The following WNT3A variants were observed in gnomAD, a reference collection of about 807,000 sequenced individuals.
The protein encoded by WNT3A is protein Wnt-3a.
In WNT3A, 17 loss-of-function variants were observed where a neutral mutation model predicts 37.0. That is an observed-to-expected ratio of 0.46 (90% confidence interval 0.31 to 0.69). The LOEUF is 0.69. WNT3A is among the 30% of genes least tolerant of loss of function. The pLI is 0.05. For missense variants in WNT3A, 411 were observed against 510.2 expected (o/e 0.81, Z 1.87); for synonymous variants, 187 against 211.0 (o/e 0.89, Z 0.99).
At chr1:228,057,986 G>A (rs745603038) in intron 3 of WNT3A, among the ~76,000 whole-genome samples, 4 of 152,076 alleles carry the variant, frequency 2.6e-5, no homozygotes, top group Non-Finnish European at 4.4e-5. Context: ...ACAGGTTCCC[G>A]CCACCACGCC....
intron 3 of WNT3A, among the ~76,000 whole-genome samples, chr1:228,053,578 C>A (rs888279604): frequency 6.6e-6 from 1 of 152,104 alleles, no homozygotes; most frequent in Admixed American, 6.5e-5. Flanking sequence ...TCCACACTCA[C>A]ATATGCAGCA....
At chr1:228,055,180 ATATATATATATAT>A (rs1378534068) in intron 3 of WNT3A, among the ~76,000 whole-genome samples, 3 of 14,794 alleles carry the variant, frequency 2.0e-4, no homozygotes, top group Admixed American at 1.0e-3. Context: ...AAAAAAAAAA[ATATATATATATAT>A]ATATATATAT....
At chr1:228,029,207 G>T (rs905093831) in intron 2 of WNT3A, among the ~76,000 whole-genome samples, 1 of 152,178 alleles carries the variant, frequency 6.6e-6, no homozygotes, top group Non-Finnish European at 1.5e-5. Flanking sequence ...AACAATGTCG[G>T]TACTAACCGT....
intron 1 of WNT3A, among the ~76,000 whole-genome samples, chr1:228,019,954 G>A (rs760172595): frequency 7.2e-5 from 11 of 152,212 alleles, no homozygotes; most frequent in African/African-American, 1.4e-4. Flanking sequence ...GCCTGGGCAC[G>A]GTGGCTCATG....
At chr1:228,024,663 T>C (rs1311097202) in intron 2 of WNT3A, among the ~76,000 whole-genome samples, 1 of 152,198 alleles carries the variant, frequency 6.6e-6, no homozygotes, top group Non-Finnish European at 1.5e-5. Flanking sequence ...AATTTTTTAA[T>C]TTTGGTGAAA....
At chr1:228,027,299 G>C (rs1293037025) in intron 2 of WNT3A, among the ~76,000 whole-genome samples, 1 of 152,182 alleles carries the variant, frequency 6.6e-6, no homozygotes, top group East Asian at 1.9e-4. Flanking sequence ...CCCAGTAGTG[G>C]GATTGCTAGA....
At chr1:228,009,666 AC>A (rs1201411596) in intron 1 of WNT3A, among the ~76,000 whole-genome samples, 1 of 151,924 alleles carries the variant, frequency 6.6e-6, no homozygotes, top group Non-Finnish European at 1.5e-5. Context: ...CTCCACCATC[AC>A]CGGCACATGA....
chr1:228,059,627 A>C lies in WNT3A; in HGVS notation c.*162A>C. 7.3e-7 allele frequency: 1 copy of C among 1,377,362 alleles called. No individual in the cohort carries two copies. The highest frequency in any genetic ancestry group is 2.9e-5 in the East Asian group (1 of 34,784). The allele number at this position is 1,377,362 out of a possible 1,614,324, so 85.3% of individuals were successfully genotyped here. On this transcript the variant is annotated 3_prime_UTR_variant, in exon 4 of 4. Transcript: ENST00000284523. Reference sequence around the variant, plus strand: ...TACCTGGGGGCAGAACTCCTACCTGAAGGCAGGGCTCCTCCCTGGAGCTAG... The same window carrying C: ...TACCTGGGGGCAGAACTCCTACCTGCAGGCAGGGCTCCTCCCTGGAGCTAG...
intron 2 of WNT3A, among the ~76,000 whole-genome samples, chr1:228,027,997 G>T (rs1490767963): frequency 6.6e-6 from 1 of 152,142 alleles, no homozygotes; most frequent in Non-Finnish European, 1.5e-5. Context: ...CATGTGGTTT[G>T]CCAGTTTCCC....
chr1:228,026,819 C>T (rs2030863464), intron 2 of WNT3A, among the ~76,000 whole-genome samples: 1 of 152,168 alleles, frequency 6.6e-6, no homozygotes, highest in South Asian at 2.1e-4. Flanking sequence ...GAGTAGTATT[C>T]CATGGTGTAT....
chr1:228,009,228 T>G (rs1391122208), intron 1 of WNT3A, among the ~76,000 whole-genome samples: 1 of 152,060 alleles, frequency 6.6e-6, no homozygotes, highest in East Asian at 1.9e-4. Context: ...TGCCCCCTTC[T>G]TGATCCCCTC....
Position 228,060,503 on chromosome 1 carries a change from C to G in WNT3A, c.*1038C>G, listed in dbSNP as rs1237844305. The G allele has an allele frequency of 8.6e-6, 3 of 349,738 alleles. No homozygotes were observed. The highest frequency in any genetic ancestry group is 1.1e-5 in the Non-Finnish European group (2 of 182,060). 21.7% of individuals were successfully genotyped at this position (349,738 alleles called of 1,614,324 possible). Reference sequence around the variant, plus strand: ...CCCCAACCCCAAGACCAAGCTTAGTCCTGGGAGAGGACAGGGACTTCGCAG... The same window carrying G: ...CCCCAACCCCAAGACCAAGCTTAGTGCTGGGAGAGGACAGGGACTTCGCAG... On this transcript the variant is annotated 3_prime_UTR_variant, in exon 4 of 4. Transcript: ENST00000284523.
intron 3 of WNT3A, among the ~76,000 whole-genome samples, chr1:228,058,558 G>A (rs1231816764): frequency 6.6e-6 from 1 of 152,208 alleles, no homozygotes; most frequent in Non-Finnish European, 1.5e-5. Context: ...TCATGCTCAG[G>A]ACTCGTGCCT....
intron 2 of WNT3A, among the ~76,000 whole-genome samples, chr1:228,025,445 T>G (rs917020392): frequency 6.6e-6 from 1 of 152,012 alleles, no homozygotes; most frequent in South Asian, 2.1e-4. Flanking sequence ...ACCTTCCAGG[T>G]TCAAGCGATC....
chr1:228,009,811 G>T (rs559469613), intron 1 of WNT3A, among the ~76,000 whole-genome samples: 9 of 152,312 alleles, frequency 5.9e-5, no homozygotes, highest in Non-Finnish European at 1.3e-4. Flanking sequence ...CTGTGAGAGT[G>T]TGAAGGGCCA....
chr1:228,027,837 A>C (rs1250892749), intron 2 of WNT3A, among the ~76,000 whole-genome samples: 4 of 151,972 alleles, frequency 2.6e-5, no homozygotes, highest in Non-Finnish European at 5.9e-5. Flanking sequence ...GTTAGTCATG[A>C]ATTATTTGCC....
chr1:228,013,076 T>C (rs1471506695), intron 1 of WNT3A, among the ~76,000 whole-genome samples: 2 of 152,058 alleles, frequency 1.3e-5, no homozygotes, highest in East Asian at 3.9e-4. Flanking sequence ...TGGGTTTCTC[T>C]CTCTACAAGA....
intron 2 of WNT3A, among the ~76,000 whole-genome samples, chr1:228,034,332 G>A (rs939167332): frequency 6.6e-6 from 1 of 152,150 alleles, no homozygotes; most frequent in Non-Finnish European, 1.5e-5. Context: ...CTTGTACTCT[G>A]TAACCTTGCT....
intron 1 of WNT3A, among the ~76,000 whole-genome samples, chr1:228,021,597 G>C (rs1454381835): frequency 2.0e-5 from 3 of 152,224 alleles, no homozygotes; most frequent in African/African-American, 7.2e-5. Flanking sequence ...ACGGATGCTT[G>C]GGTGGCGTCC....
Sources: allele counts gnomAD v4.1 joint callset (sites outside exome capture counted in the v4.1 genomes callset), GRCh38; gene constraint gnomAD v4.1.1; transcripts MANE v1.5; gene names NCBI Gene and HGNC (gene_info 2026-07-23, HGNC 2026-07-21).